SNX25: variants seen among roughly 807,000 people sequenced by gnomAD.
The protein encoded by SNX25 is sorting nexin-25.
SNX25 carries 62 observed loss-of-function variants against 113.7 expected under a neutral mutation model. That is an observed-to-expected ratio of 0.55 (90% CI 0.44 to 0.67). The LOEUF (loss-of-function observed/expected upper bound fraction) is 0.67, where lower values mean the gene tolerates loss of function less well. Among genes scored for constraint, SNX25 ranks in the 30% least tolerant of loss-of-function variants. The pLI is 0.00. For synonymous variants in SNX25, 421 were observed against 436.2 expected (o/e 0.97, Z 0.43); for missense variants, 1,014 against 1,161.0 (o/e 0.87, Z 1.84).
In SNX25 at chr4:185,277,646, C is replaced by T. The variant is rs1458283737; in HGVS notation, c.1092-10366C>T. 3.3e-5 allele frequency among the ~76,000 whole-genome samples: 5 copies of T among 151,094 alleles called. No individual in the cohort carries two copies. In the East Asian group the frequency reaches 9.7e-4, roughly 29 times the overall value. The stretch of plus-strand genomic sequence containing the variant: ...ATACTGACATAAAAGATGTAAATAA[C>T]CTCACAAGCATATGTAATAATAAAA... On this transcript the variant is annotated intron_variant, in intron 5 of 18. Transcript: ENST00000652585.
At chr4:185,218,142 T>C (rs1220621983) in intron 1 of SNX25, among the ~76,000 whole-genome samples, 4 of 152,214 alleles carry the variant, frequency 2.6e-5, no homozygotes, top group African/African-American at 9.6e-5. Context: ...TGGAGTGCAG[T>C]GGCACAATCC....
intron 7 of SNX25, among the ~76,000 whole-genome samples, chr4:185,316,756 C>A (rs2095077720): frequency 6.6e-6 from 1 of 152,154 alleles, no homozygotes; most frequent in African/African-American, 2.4e-5. Flanking sequence ...GGTTTCCTGG[C>A]TCTTTCTGTT....
At chr4:185,320,116 C>T (rs2095108161) in intron 7 of SNX25, among the ~76,000 whole-genome samples, 1 of 152,142 alleles carries the variant, frequency 6.6e-6, no homozygotes, top group African/African-American at 2.4e-5. Flanking sequence ...CTCAGCAATC[C>T]CATTACTGCA....
chr4:185,207,210 C>CTTTT (rs34373262), upstream of SNX25, among the ~76,000 whole-genome samples: 63 of 76,846 alleles, frequency 8.2e-4, 9 homozygotes, highest in African/African-American at 2.5e-3. Flanking sequence ...ACCAGTCACA[C>CTTTT]TTTTTTTTTT....
At chr4:185,234,414 G>GTA (rs1742319509) in intron 1 of SNX25, among the ~76,000 whole-genome samples, 1 of 19,106 alleles carries the variant, frequency 5.2e-5, no homozygotes, top group Non-Finnish European at 1.4e-4. Flanking sequence ...CGGGCGCGGT[G>GTA]GCTCACGCCT....
At chr4:185,332,279 T>C (rs1466813879) in intron 9 of SNX25, among the ~76,000 whole-genome samples, 4 of 152,158 alleles carry the variant, frequency 2.6e-5, no homozygotes, top group Non-Finnish European at 5.9e-5. Context: ...TCAGGTTGAG[T>C]TGGGAAGATA....
intron 5 of SNX25, among the ~76,000 whole-genome samples, chr4:185,271,839 C>T (rs957561264): frequency 1.3e-5 from 2 of 152,320 alleles, no homozygotes; most frequent in African/African-American, 4.8e-5. Context: ...ACACAAAAAA[C>T]CTTGAAGGTG....
chr4:185,324,763 G>A (rs1204222438), intron 9 of SNX25, among the ~76,000 whole-genome samples: 2 of 152,126 alleles, frequency 1.3e-5, no homozygotes, highest in Non-Finnish European at 2.9e-5. Flanking sequence ...TGCTTGTCCA[G>A]GATGGCGATG....
At chr4:185,228,226 T>G (rs1323356438) in intron 1 of SNX25, among the ~76,000 whole-genome samples, 3 of 152,100 alleles carry the variant, frequency 2.0e-5, no homozygotes, top group Non-Finnish European at 4.4e-5. Flanking sequence ...TTTTTGTTGT[T>G]GTCAGGGAGA....
intron 16 of SNX25, among the ~76,000 whole-genome samples, 161 bp from the exon 17 acceptor site, chr4:185,361,763 A>G (rs1215880497): frequency 6.6e-6 from 1 of 152,154 alleles, no homozygotes; most frequent in Non-Finnish European, 1.5e-5. Context: ...TTAAAAATAT[A>G]TATAACTTTC....
At chr4:185,367,178 G>T (rs757107049), downstream of SNX25, 20 of 1,610,470 alleles carry the variant, frequency 1.2e-5, no homozygotes, top group Non-Finnish European at 1.5e-5. Flanking sequence ...ATACATTGTG[G>T]TCTAAATTCT....
rs529785733 is a variant in SNX25, at chr4:185,210,452, G to GGCTCCGC, written c.429+206_429+212dup. Reference sequence around the variant, plus strand: ...CGCGCGCGGCGGGCTCCGGGCTCCGGGCTCCGCGCTCCGCGGTGCTGGAGG... The same window carrying GGCTCCGC: ...CGCGCGCGGCGGGCTCCGGGCTCCGGGCTCCGCGCTCCGCGCTCCGCGGTGCTGGAGG... On this transcript the variant is annotated intron_variant, in intron 1 of 18. Transcript: ENST00000652585. The surrounding 1 kb of genome is among the most constrained non-coding windows in gnomAD (Gnocchi z 4.4). 1.5e-3 allele frequency among the ~76,000 whole-genome samples: 223 copies of GGCTCCGC among 148,576 alleles called. 2 individuals are homozygous for GGCTCCGC. In the East Asian group the frequency reaches 0.023, roughly 15 times the overall value.
rs1478235031 is a variant in SNX25 at position 185,325,731 on chromosome 4, G to A, written c.1749+1931G>A. On this transcript the variant is annotated intron_variant, in intron 9 of 18. Coordinates refer to ENST00000652585, the MANE Select transcript of SNX25 (RefSeq NM_001378034.2). Reference sequence around the variant, plus strand: ...CCAAGCCCAGCCATGGATTTGTACTGTCAGATAACTATGAGTTGGGTGATT... The same window carrying A: ...CCAAGCCCAGCCATGGATTTGTACTATCAGATAACTATGAGTTGGGTGATT... Among the ~76,000 whole-genome samples, 4 of 152,190 alleles carry A rather than the reference G, an allele frequency of 2.6e-5. No individual in the cohort carries two copies. The East Asian group carries it at 7.7e-4, about 29-fold the overall frequency.
intron 6 of SNX25, among the ~76,000 whole-genome samples, chr4:185,299,793 C>CT (rs560903881): frequency 2.0e-5 from 3 of 152,082 alleles, no homozygotes; most frequent in Non-Finnish European, 4.4e-5. Flanking sequence ...TTAAAGCTTT[C>CT]TTTTTTGCTG....
intron 1 of SNX25, among the ~76,000 whole-genome samples, chr4:185,219,422 G>A (rs1739436465): frequency 6.6e-6 from 1 of 152,002 alleles, no homozygotes; most frequent in African/African-American, 2.4e-5. Flanking sequence ...AGCCAGGTGT[G>A]GTGGTGGGCG....
rs34665853 is a variant in SNX25, at chr4:185,325,532, CA to C, written c.1749+1751del. Among the ~76,000 whole-genome samples the C allele has an allele frequency of 4.3e-3, 479 of 111,602 alleles. 2 individuals are homozygous for C. The highest frequency in any genetic ancestry group is 0.018 in the African/African-American group (449 of 25,632). The allele number at this position is 111,602 out of a possible 152,430, so 73.2% of individuals were successfully genotyped here. A position where few individuals can be genotyped will look rare whatever the true frequency, so the allele number is the denominator to read the frequency against. ...TGGGCGACAATGTGAGACTCCGTCTCAAAAAAAAAAAAAAAAAAAGACAAAT... is the reference window on the plus strand; with the variant it reads ...TGGGCGACAATGTGAGACTCCGTCTCAAAAAAAAAAAAAAAAAAGACAAAT... On this transcript the variant is annotated intron_variant, in intron 9 of 18. Coordinates refer to ENST00000652585, the MANE Select transcript of SNX25 (RefSeq NM_001378034.2).
chr4:185,347,282 G>C (rs960953581), intron 13 of SNX25, among the ~76,000 whole-genome samples: 1 of 152,136 alleles, frequency 6.6e-6, no homozygotes, highest in Non-Finnish European at 1.5e-5. Context: ...CAGAGATTAG[G>C]ATTTCTCCAT....
At chr4:185,267,502 G>A (rs561402405) in intron 5 of SNX25, among the ~76,000 whole-genome samples, 9 of 152,178 alleles carry the variant, frequency 5.9e-5, no homozygotes, top group African/African-American at 1.9e-4. Context: ...AGGCTGAGGT[G>A]GGCGGATCAC....
chr4:185,289,196 A>T lies in SNX25; in HGVS notation c.1162+1114A>T, dbSNP rs138043795. Among the ~76,000 whole-genome samples, 249 of 152,354 alleles carry T rather than the reference A, an allele frequency of 1.6e-3. 1 individual carries two copies. Among genetic ancestry groups the T allele is most frequent in the African/African-American group, 5.8e-3 (241 of 41,582 alleles). ...TTTACTGAGCACCTACTGAGTGATA[A>T]TGATACAGTAGTAAACAAAACCTCT... On this transcript the variant is annotated intron_variant, in intron 6 of 18. Transcript: ENST00000652585.
Sources: allele counts gnomAD v4.1 joint callset (sites outside exome capture counted in the v4.1 genomes callset), GRCh38; gene constraint gnomAD v4.1.1; non-coding constraint Gnocchi (gnomAD v3.1); transcripts MANE v1.5; gene names NCBI Gene and HGNC (gene_info 2026-07-23, HGNC 2026-07-21).